PCGF5: variants seen among roughly 807,000 people sequenced by gnomAD.
The protein encoded by PCGF5 is polycomb group ring finger 5.
PCGF5 carries 9 observed loss-of-function variants against 44.3 expected under a neutral mutation model. That is an observed-to-expected ratio of 0.20 (90% CI 0.12 to 0.35). The LOEUF (loss-of-function observed/expected upper bound fraction) is 0.35, where lower values mean the gene tolerates loss of function less well. Among genes scored for constraint, PCGF5 ranks in the 10% least tolerant of loss-of-function variants. The pLI, the probability that PCGF5 is intolerant of heterozygous loss-of-function variation, is 1.00. For synonymous variants in PCGF5, 95 were observed against 102.5 expected (o/e 0.93, Z 0.44); for missense variants, 146 against 305.3 (o/e 0.48, Z 3.89).
intron 9 of PCGF5, 72 bp downstream of exon 9, chr10:91,271,769 A>C (rs941578124): frequency 6.2e-6 from 8 of 1,282,668 alleles, no homozygotes; most frequent in African/African-American, 1.5e-5. Context: ...TCCCAAACTC[A>C]ATTCCTAAGA....
At chr10:91,191,222 C>G (rs942512846) in intron 1 of PCGF5, among the ~76,000 whole-genome samples, 1 of 152,148 alleles carries the variant, frequency 6.6e-6, no homozygotes, top group African/African-American at 2.4e-5. Flanking sequence ...TAACAATATG[C>G]AAGCATCACT....
At chr10:91,160,175 A>G (rs1215640081), upstream of PCGF5, among the ~76,000 whole-genome samples, 1 of 152,026 alleles carries the variant, frequency 6.6e-6, no homozygotes, top group Non-Finnish European at 1.5e-5. Context: ...AAATCTATCC[A>G]TCCTTCAAGT....
At chr10:91,203,300 T>C (rs1283723358) in intron 1 of PCGF5, among the ~76,000 whole-genome samples, 1 of 152,196 alleles carries the variant, frequency 6.6e-6, no homozygotes. Flanking sequence ...CTTGGAGCAC[T>C]TAAGACACCA....
intron 7 of PCGF5, among the ~76,000 whole-genome samples, chr10:91,262,536 A>T (rs1285446945): frequency 6.6e-6 from 1 of 152,234 alleles, no homozygotes. Flanking sequence ...AGTAATATGA[A>T]TATCATGAAG....
intron 6 of PCGF5, among the ~76,000 whole-genome samples, chr10:91,255,384 G>A (rs1193534779): frequency 6.6e-6 from 1 of 152,036 alleles, no homozygotes; most frequent in Non-Finnish European, 1.5e-5. Context: ...AGAGTTGTAT[G>A]CATGTTCAGG....
rs555900335 is a variant in PCGF5, at chr10:91,262,297, G to A, written c.573+873G>A. Among the ~76,000 whole-genome samples the A allele has an allele frequency of 3.9e-5, 6 of 152,170 alleles. No individual in the cohort carries two copies. The South Asian group carries it at 1.0e-3, about 26-fold the overall frequency. On this transcript the variant is annotated intron_variant, in intron 7 of 9. Transcript: ENST00000336126. ...AAAAATTAGCCGGGTGTGGTGGCAG[G>A]TGCCTGTATTCTCAGCTACTCAGGA... is the stretch of plus-strand genomic sequence containing the variant.
chr10:91,174,889 T>C (rs1843674966), intron 1 of PCGF5, among the ~76,000 whole-genome samples: 1 of 152,310 alleles, frequency 6.6e-6, no homozygotes, highest in Admixed American at 6.5e-5. Context: ...ATGGTAAATA[T>C]GAGAAGAGGC....
rs575852510 is a variant in PCGF5, at chr10:91,220,807, G to C, written c.-213G>C. 1.3e-5 allele frequency: 2 copies of C among 154,154 alleles called. No homozygotes were observed. The highest frequency in any genetic ancestry group is 2.4e-5 in the African/African-American group (1 of 41,570). The allele number at this position is 154,154 out of a possible 1,614,324, so 9.5% of individuals were successfully genotyped here. A position where few individuals can be genotyped will look rare whatever the true frequency, so the allele number is the denominator to read the frequency against. On this transcript the variant is annotated 5_prime_UTR_variant, in exon 1 of 10. Transcript: ENST00000336126. ...CACTCTGAGGCCGGCGCGCTGGCGG[G>C]CGAGGAGCGGCGGCGGTGGCGGCCG...
chr10:91,214,697 G>A lies in PCGF5; in HGVS notation c.-183-7992G>A, dbSNP rs992002082. 7.9e-4 allele frequency among the ~76,000 whole-genome samples: 120 copies of A among 152,072 alleles called. 1 individual carries two copies. The highest frequency in any genetic ancestry group is 2.7e-3 in the African/African-American group (111 of 41,406). On this transcript the variant is annotated intron_variant, in intron 1 of 9. Transcript: ENST00000614189. Reference sequence around the variant, plus strand: ...AGAGGAGCACGACAAACAGATGAACGGCCAAAAGGCTAAAGAACTGCAGAT... The same window carrying A: ...AGAGGAGCACGACAAACAGATGAACAGCCAAAAGGCTAAAGAACTGCAGAT...
At chr10:91,236,363 G>A (rs1434435098) in intron 2 of PCGF5, among the ~76,000 whole-genome samples, 2 of 152,178 alleles carry the variant, frequency 1.3e-5, no homozygotes, top group African/African-American at 4.8e-5. Flanking sequence ...TATTTGGTTA[G>A]TGCTCATTAA....
chr10:91,274,981 A>G (rs1564659421), intron 9 of PCGF5, among the ~76,000 whole-genome samples: 1 of 152,198 alleles, frequency 6.6e-6, no homozygotes, highest in Non-Finnish European at 1.5e-5. Context: ...AAATATTTTA[A>G]ATGATACTAT....
chr10:91,176,512 A>G (rs537604567), intron 1 of PCGF5, among the ~76,000 whole-genome samples: 81 of 152,272 alleles, frequency 5.3e-4, no homozygotes, highest in Non-Finnish European at 9.1e-4. Context: ...GTGTTTTCCA[A>G]CTTGGTTCCA....
At chr10:91,158,431 G>T (rs925485961), upstream of PCGF5, among the ~76,000 whole-genome samples, 1 of 152,188 alleles carries the variant, frequency 6.6e-6, no homozygotes, top group African/African-American at 2.4e-5. Flanking sequence ...ATTTGAAGGG[G>T]GAGGAGGAAG....
At chr10:91,163,300 A>G (rs150147298) in intron 1 of PCGF5, among the ~76,000 whole-genome samples, 13,382 of 150,258 alleles carry the variant, frequency 0.089, 780 homozygotes, top group African/African-American at 0.17. Context: ...CGGCGCGCGG[A>G]AAGGGGCTGG....
intron 1 of PCGF5, among the ~76,000 whole-genome samples, chr10:91,188,541 A>C (rs999438715): frequency 6.6e-6 from 1 of 152,214 alleles, no homozygotes; most frequent in African/African-American, 2.4e-5. Context: ...AAGAAATTGG[A>C]ATCTTCTCCC....
rs71487496 is a variant in PCGF5, at chr10:91,238,601, C to CTTTTTTTTTTT, written c.113-1863_113-1853dup. On this transcript the variant is annotated intron_variant, in intron 2 of 9. Transcript: ENST00000336126. Reference sequence around the variant, plus strand: ...CTCTCATTTCTTTCTTTCTTTCTTTCTTTTTTTTTTTTTTTTTTTTTTTTT... The same window carrying CTTTTTTTTTTT: ...CTCTCATTTCTTTCTTTCTTTCTTTCTTTTTTTTTTTTTTTTTTTTTTTTTTTTTTTTTTTT... 3.3e-3 allele frequency among the ~76,000 whole-genome samples: 195 copies of CTTTTTTTTTTT among 58,508 alleles called. 3 individuals are homozygous for CTTTTTTTTTTT. Among genetic ancestry groups the CTTTTTTTTTTT allele is most frequent in the South Asian group, 6.3e-3 (8 of 1,266 alleles). The allele number at this position is 58,508 out of a possible 152,430, so 38.4% of individuals were successfully genotyped here. A position where few individuals can be genotyped will look rare whatever the true frequency, so the allele number is the denominator to read the frequency against.
chr10:91,227,115 A>G (rs1833664344), intron 2 of PCGF5, among the ~76,000 whole-genome samples: 1 of 152,180 alleles, frequency 6.6e-6, no homozygotes, highest in Admixed American at 6.5e-5. Context: ...GTAATTACAT[A>G]TCAGGCACTT....
At chr10:91,201,723 CTTT>C (rs759618961) in intron 1 of PCGF5, among the ~76,000 whole-genome samples, 2 of 136,956 alleles carry the variant, frequency 1.5e-5, no homozygotes, top group Non-Finnish European at 1.6e-5. Context: ...TCCAGAAAAC[CTTT>C]TTTTTTTTTT....
intron 9 of PCGF5, among the ~76,000 whole-genome samples, chr10:91,275,976 G>C (rs1166810612): frequency 6.6e-6 from 1 of 151,944 alleles, no homozygotes. Context: ...TTCTATAACA[G>C]CATAATATAC....
Sources: allele counts gnomAD v4.1 joint callset (sites outside exome capture counted in the v4.1 genomes callset), GRCh38; gene constraint gnomAD v4.1.1; transcripts MANE v1.5; gene names NCBI Gene and HGNC (gene_info 2026-07-23, HGNC 2026-07-21).